The following BAZ1B variants were observed in gnomAD, a reference collection of about 807,000 sequenced individuals.
BAZ1B encodes tyrosine-protein kinase BAZ1B.
In BAZ1B, 22 loss-of-function variants were observed where a neutral mutation model predicts 153.8. That is an observed-to-expected ratio of 0.14 (90% confidence interval 0.10 to 0.20). BAZ1B has a LOEUF of 0.20. Ranked by LOEUF, BAZ1B falls within the 10% of genes least tolerant of loss-of-function variation. The pLI is 1.00. For synonymous variants in BAZ1B, 676 were observed against 633.4 expected, an observed-to-expected ratio of 1.07 and a Z score of -1.01; for missense variants, 1,325 against 1,799.3, an observed-to-expected ratio of 0.74 and a Z score of 4.77.
At chr7:73,459,417 A>G in intron 13 of BAZ1B, 119 bp downstream of exon 13, 1 of 1,059,892 alleles carries the variant, frequency 9.4e-7, no homozygotes, top group Non-Finnish European at 1.4e-6. Context: ...ACACACACAC[A>G]AAAACACTCA....
chr7:73,451,270 G>A (rs898524723), intron 13 of BAZ1B, among the ~76,000 whole-genome samples: 2 of 152,172 alleles, frequency 1.3e-5, no homozygotes, highest in African/African-American at 2.4e-5. Flanking sequence ...AGGATCACCT[G>A]TATGCTGTAA....
Position 73,522,144 on chromosome 7 carries a change from ACCGCCGCGCCTCCCAGCAG to A in BAZ1B, c.-230_-212del, listed in dbSNP as rs1433409055. 3 of 399,914 alleles carry A rather than the reference ACCGCCGCGCCTCCCAGCAG, an allele frequency of 7.5e-6. No individual in the cohort carries two copies. The highest frequency in any genetic ancestry group is 2.1e-5 in the African/African-American group (1 of 48,406). 24.8% of individuals were successfully genotyped at this position (399,914 alleles called of 1,614,324 possible). ...GCCACGGCGCAGAGCTCCCGCGCAC[ACCGCCGCGCCTCCCAGCAG>A]CCCCCCGCCGACCTCCGCTTCGGGT... On this transcript the variant is annotated 5_prime_UTR_variant, in exon 1 of 20. Coordinates refer to ENST00000339594, the MANE Select transcript of BAZ1B (RefSeq NM_032408.4).
intron 4 of BAZ1B, among the ~76,000 whole-genome samples, chr7:73,496,573 G>C (rs1554576421): frequency 6.6e-6 from 1 of 152,194 alleles, no homozygotes; most frequent in Non-Finnish European, 1.5e-5. Context: ...CATTTTTGGA[G>C]ACAACAATAA....
At chr7:73,444,529 T>C (rs979357071) in intron 16 of BAZ1B, among the ~76,000 whole-genome samples, 1 of 152,202 alleles carries the variant, frequency 6.6e-6, no homozygotes, top group Admixed American at 6.5e-5. Flanking sequence ...AGTGGATGTA[T>C]TTACATGTAA....
At chr7:73,512,175 CAT>C (rs1790611344) in intron 1 of BAZ1B, among the ~76,000 whole-genome samples, 1 of 151,258 alleles carries the variant, frequency 6.6e-6, no homozygotes, top group Non-Finnish European at 1.5e-5. Flanking sequence ...ACCTTGGAAA[CAT>C]GTTACTTCTT....
intron 3 of BAZ1B, among the ~76,000 whole-genome samples, chr7:73,500,475 TGAA>T (rs1311507181): frequency 2.0e-5 from 3 of 151,982 alleles, no homozygotes; most frequent in Admixed American, 2.0e-4. Context: ...CCTGGGACGT[TGAA>T]GAAGAAGGGA....
intron 13 of BAZ1B, among the ~76,000 whole-genome samples, chr7:73,451,690 C>T (rs1047064587): frequency 6.6e-6 from 1 of 152,220 alleles, no homozygotes; most frequent in African/African-American, 2.4e-5. Flanking sequence ...TAAAGTTCAA[C>T]TGGAAACTGA....
Position 73,477,106 on chromosome 7 carries a change from C to T in BAZ1B, c.2355G>A (p.Lys785=). ...CTGCTCTCTTCTTATCATTTTCTTC[C>T]TTCAACACAGCAAGCCGTTCCTTCC... is the stretch of plus-strand genomic sequence containing the variant. ...ELWKERLAVL[K]EENDKKRAEK... is the part of the protein sequence containing the mutation. Residue 785 remains lysine (K), a synonymous_variant, in exon 7 of 20, where the codon AAG becomes AAA. Coordinates refer to ENST00000339594, the MANE Select transcript of BAZ1B (RefSeq NM_032408.4). This position sits in a 1 kb window ranked among gnomAD's most constrained non-coding sequence, Gnocchi z 5.6. 6.2e-7 allele frequency: 1 copy of T among 1,614,074 alleles called. No individual in the cohort carries two copies. The highest frequency in any genetic ancestry group is 1.1e-5 in the South Asian group (1 of 91,074).
At chr7:73,508,025 G>A (rs1191121074) in intron 3 of BAZ1B, among the ~76,000 whole-genome samples, 1 of 150,962 alleles carries the variant, frequency 6.6e-6, no homozygotes, top group Non-Finnish European at 1.5e-5. Context: ...GCGTGGTGGT[G>A]CACACCTGTA....
At chr7:73,457,995 G>A (rs1394538410) in intron 13 of BAZ1B, among the ~76,000 whole-genome samples, 10 of 152,080 alleles carry the variant, frequency 6.6e-5, no homozygotes, top group African/African-American at 2.4e-4. Context: ...AAAATGACCC[G>A]GTTAACCTAA....
chr7:73,462,673 C>T (rs1261677700), intron 12 of BAZ1B: 2 of 484,254 alleles, frequency 4.1e-6, no homozygotes, highest in African/African-American at 3.9e-5. Context: ...TTTCATTCAC[C>T]TTAGTAGTGA....
chr7:73,520,686 C>A (rs1269058991), intron 1 of BAZ1B, among the ~76,000 whole-genome samples: 1 of 152,214 alleles, frequency 6.6e-6, no homozygotes, highest in Non-Finnish European at 1.5e-5. Flanking sequence ...ACAAATTGCA[C>A]TCCAACAAGA....
chr7:73,507,892 T>G (rs1350554169), intron 3 of BAZ1B, among the ~76,000 whole-genome samples: 1 of 152,024 alleles, frequency 6.6e-6, no homozygotes, highest in African/African-American at 2.4e-5. Context: ...AAAATAAAAT[T>G]TAGTCCTTAT....
intron 1 of BAZ1B, among the ~76,000 whole-genome samples, chr7:73,518,870 T>C (rs1790919948): frequency 6.6e-6 from 1 of 152,192 alleles, no homozygotes; most frequent in South Asian, 2.1e-4. Context: ...ACTATGACAG[T>C]TGAAGTAACA....
At chr7:73,478,882 A>C (rs1366276402) in intron 6 of BAZ1B, among the ~76,000 whole-genome samples, 3 of 152,236 alleles carry the variant, frequency 2.0e-5, no homozygotes, top group African/African-American at 7.2e-5. Flanking sequence ...CAGAAATAGT[A>C]GACAAAAACT....
intron 19 of BAZ1B, 199 bp downstream of exon 19, chr7:73,441,982 G>C: frequency 1.8e-6 from 1 of 568,236 alleles, no homozygotes. Flanking sequence ...GGAGGGTTAT[G>C]GCCCTCTTTG....
chr7:73,499,138 C>G (rs183890773), intron 3 of BAZ1B, among the ~76,000 whole-genome samples: 12 of 152,254 alleles, frequency 7.9e-5, no homozygotes, highest in East Asian at 7.7e-4. Context: ...CCATTCTAAC[C>G]TGCCTCAGCC....
intron 1 of BAZ1B, among the ~76,000 whole-genome samples, chr7:73,512,067 C>T (rs115345766): frequency 0.013 from 1,763 of 133,816 alleles, 39 homozygotes; most frequent in African/African-American, 0.047. Flanking sequence ...AGGAATCAGT[C>T]TACAGTAAAA....
intron 3 of BAZ1B, among the ~76,000 whole-genome samples, chr7:73,503,746 T>C (rs1247517372): frequency 6.6e-6 from 1 of 152,170 alleles, no homozygotes; most frequent in Non-Finnish European, 1.5e-5. Flanking sequence ...CCATGTCAAT[T>C]CCATTTCCAT....
Sources: allele counts gnomAD v4.1 joint callset (sites outside exome capture counted in the v4.1 genomes callset), GRCh38; gene constraint gnomAD v4.1.1; non-coding constraint Gnocchi (gnomAD v3.1); transcripts MANE v1.5; gene names NCBI Gene and HGNC (gene_info 2026-07-23, HGNC 2026-07-21).